SGK1: variants seen among roughly 807,000 people sequenced by gnomAD.
SGK1 encodes serum/glucocorticoid regulated kinase 1.
A neutral mutation model predicts 64.2 loss-of-function variants in SGK1; 26 were observed. The observed-to-expected ratio is 0.40, with a 90% confidence interval of 0.30 to 0.56. The LOEUF is 0.56. Ranked by LOEUF, SGK1 falls within the 20% of genes least tolerant of loss-of-function variation. SGK1 has a pLI of 0.38. For missense variants in SGK1, 519 were observed against 645.6 expected, an observed-to-expected ratio of 0.80 and a Z score of 2.12; for synonymous variants, 265 against 239.7, an observed-to-expected ratio of 1.11 and a Z score of -0.98.
Position 134,170,151 on chromosome 6 carries a change from C to T in SGK1, c.*117G>A, listed in dbSNP as rs1362587151. On this transcript the variant is annotated 3_prime_UTR_variant, in exon 14 of 14. Coordinates refer to ENST00000367858, the MANE Select transcript of SGK1 (RefSeq NM_001143676.3). ...AGTGTGCAATAAGATTGCTAAGCTT[C>T]CAGAGATGTGCAAATTCTCTTGTAA... is the stretch of plus-strand genomic sequence containing the variant. 4 of 851,068 alleles carry T rather than the reference C, an allele frequency of 4.7e-6. No individual in the cohort carries two copies. The highest frequency in any genetic ancestry group is 5.0e-5 in the Admixed American group (2 of 39,958). 52.7% of individuals were successfully genotyped at this position (851,068 alleles called of 1,614,324 possible). A position where few individuals can be genotyped will look rare whatever the true frequency, so the allele number is the denominator to read the frequency against.
intron 2 of SGK1, among the ~76,000 whole-genome samples, chr6:134,256,212 G>A (rs1160941541): frequency 2.0e-5 from 3 of 150,616 alleles, no homozygotes; most frequent in Admixed American, 6.6e-5. Flanking sequence ...AGTTTACAAT[G>A]TCCCCAGCTT....
At chr6:134,290,802 A>G (rs927347542) in intron 1 of SGK1, among the ~76,000 whole-genome samples, 2 of 152,122 alleles carry the variant, frequency 1.3e-5, no homozygotes, top group Non-Finnish European at 2.9e-5. Flanking sequence ...TCTCTGGGCC[A>G]CCTCCTATAA....
chr6:134,245,827 T>C (rs1032133812), intron 2 of SGK1, among the ~76,000 whole-genome samples: 7 of 152,326 alleles, frequency 4.6e-5, no homozygotes, highest in East Asian at 3.9e-4. Flanking sequence ...CTCATCTGTA[T>C]CAAAAGAAGG....
intron 2 of SGK1, among the ~76,000 whole-genome samples, chr6:134,223,500 T>A (rs777430100): frequency 5.3e-4 from 81 of 152,094 alleles, no homozygotes; most frequent in Non-Finnish European, 9.4e-4. Flanking sequence ...GACACTATAT[T>A]CCTTAGTGTT....
chr6:134,183,741 AAAAAT>A (rs1582695171), intron 3 of SGK1, among the ~76,000 whole-genome samples: 1 of 152,034 alleles, frequency 6.6e-6, no homozygotes, highest in South Asian at 2.1e-4. Context: ...GTCTGGGAAA[AAAAAT>A]AAACCCAGAA....
At chr6:134,289,219 T>C (rs1777227754) in intron 1 of SGK1, among the ~76,000 whole-genome samples, 2 of 152,246 alleles carry the variant, frequency 1.3e-5, no homozygotes, top group African/African-American at 4.8e-5. Context: ...CCATTTTCAC[T>C]GTGGAGTTCG....
intron 1 of SGK1, among the ~76,000 whole-genome samples, chr6:134,286,699 C>A (rs1485456024): frequency 2.6e-5 from 4 of 151,986 alleles, no homozygotes; most frequent in African/African-American, 4.8e-5. Context: ...AATCTCCTGA[C>A]CTTGTGATCC....
chr6:134,194,061 C>T (rs1464565971), intron 3 of SGK1, among the ~76,000 whole-genome samples: 2 of 151,864 alleles, frequency 1.3e-5, no homozygotes, highest in Non-Finnish European at 2.9e-5. Context: ...TGAACCTCAA[C>T]ATGCATATCT....
At chr6:134,286,626 C>T (rs184622981) in intron 1 of SGK1, among the ~76,000 whole-genome samples, 3 of 152,022 alleles carry the variant, frequency 2.0e-5, no homozygotes, top group Admixed American at 1.3e-4. Flanking sequence ...ACACGATGCC[C>T]GGCTAATTTT....
intron 1 of SGK1, among the ~76,000 whole-genome samples, chr6:134,315,406 C>T (rs765827439): frequency 4.7e-4 from 71 of 152,322 alleles, no homozygotes; most frequent in Non-Finnish European, 8.4e-4. Context: ...AAACTTCTTT[C>T]TGCATGTACT....
intron 1 of SGK1, among the ~76,000 whole-genome samples, chr6:134,263,862 G>A (rs895353249): frequency 1.3e-5 from 2 of 151,912 alleles, no homozygotes; most frequent in Non-Finnish European, 2.9e-5. Context: ...AGGATTTTGG[G>A]ACCAGCCTAG....
intron 2 of SGK1, among the ~76,000 whole-genome samples, chr6:134,219,841 C>A (rs1391581347): frequency 3.4e-5 from 5 of 147,950 alleles, no homozygotes; most frequent in African/African-American, 1.2e-4. Context: ...GGGCGGATCA[C>A]GAGGTCAGGA....
chr6:134,259,346 T>A (rs1441479712), intron 2 of SGK1, among the ~76,000 whole-genome samples: 1 of 151,950 alleles, frequency 6.6e-6, no homozygotes, highest in Non-Finnish European at 1.5e-5. Context: ...GTCTAAGAAA[T>A]TGGCAAACTC....
In SGK1 at chr6:134,174,635, C is replaced by G. The variant is rs374060367; in HGVS notation, c.362-49G>C. ...AAGAAACGTTTAGACGGCTTCATAA[C>G]GTCCGGCGCCACACACACTAATCTG... On this transcript the variant is annotated intron_variant, in intron 3 of 13. Transcript: ENST00000367858. 15 of 1,603,968 alleles carry G rather than the reference C, an allele frequency of 9.4e-6. No homozygotes were observed. The Admixed American group carries it at 1.7e-4, about 18-fold the overall frequency.
chr6:134,283,069 C>T (rs576019167), intron 1 of SGK1: 1 of 152,112 alleles, frequency 6.6e-6, no homozygotes, highest in South Asian at 2.1e-4. Flanking sequence ...TTAAATGTGT[C>T]TTTTGTTTAA....
At chr6:134,307,547 A>G (rs9402587) in intron 1 of SGK1, among the ~76,000 whole-genome samples, 29,004 of 152,204 alleles carry the variant, frequency 0.19, 3,606 homozygotes, top group East Asian at 0.55. Context: ...GCATATAGCC[A>G]ATGCATACCC....
chr6:134,176,587 C>A (rs1055086100), intron 3 of SGK1, among the ~76,000 whole-genome samples: 4 of 152,122 alleles, frequency 2.6e-5, no homozygotes, highest in African/African-American at 9.7e-5. Context: ...TTCGCAGGGC[C>A]AGGTACCTGG....
chr6:134,192,164 C>A (rs1301007514), intron 3 of SGK1, among the ~76,000 whole-genome samples: 1 of 151,844 alleles, frequency 6.6e-6, no homozygotes, highest in Non-Finnish European at 1.5e-5. Flanking sequence ...GGGGTTTTGC[C>A]ATGTTGGCCG....
At chr6:134,241,324 C>T (rs1776443639) in intron 2 of SGK1, among the ~76,000 whole-genome samples, 1 of 152,050 alleles carries the variant, frequency 6.6e-6, no homozygotes. Flanking sequence ...GCTGGGATTG[C>T]AGGTGTGGGT....
Sources: gnomAD v4.1 joint callset for allele counts (sites outside exome capture counted in the v4.1 genomes callset) on GRCh38, gnomAD v4.1.1 for gene constraint, MANE v1.5 for transcripts, NCBI Gene and HGNC (gene_info 2026-07-23, HGNC 2026-07-21) for gene names.